Variants in HDAC2 observed in about 807,000 individuals in gnomAD.
HDAC2 encodes YY1-associated factor 1.
In HDAC2, 5 loss-of-function variants were observed where a neutral mutation model predicts 68.5. That is an observed-to-expected ratio of 0.07 (90% CI 0.04 to 0.15). HDAC2 has a LOEUF of 0.15. Ranked by LOEUF, HDAC2 falls within the 10% of genes least tolerant of loss-of-function variation. The pLI, the probability that HDAC2 is intolerant of heterozygous loss-of-function variation, is 1.00. For synonymous variants in HDAC2, 182 were observed against 191.3 expected (o/e 0.95, Z 0.40); for missense variants, 291 against 600.8 (o/e 0.48, Z 5.39).
At chr6:113,969,750 A>G (rs1483860265) in intron 1 of HDAC2, 1 of 152,212 alleles carries the variant, frequency 6.6e-6, no homozygotes, top group Non-Finnish European at 1.5e-5. Context: ...AAGATAATTA[A>G]ATTATCTGAC....
chr6:113,955,082 T>C lies in HDAC2; in HGVS notation c.497+931A>G, dbSNP rs187849333. ...AAATTTTTGTCTTCAGTTTAAAACATCCAAAATACTAGAATATAAACTTCC... is the reference window on the plus strand; with the variant it reads ...AAATTTTTGTCTTCAGTTTAAAACACCCAAAATACTAGAATATAAACTTCC... On this transcript the variant is annotated intron_variant, in intron 5 of 13. Transcript: ENST00000519065. 2.4e-3 allele frequency among the ~76,000 whole-genome samples: 364 copies of C among 152,324 alleles called. 4 individuals are homozygous for C. The highest frequency in any genetic ancestry group is 5.0e-4 in the Non-Finnish European group (34 of 68,018).
intron 1 of HDAC2, chr6:113,968,685 C>G (rs544345961): frequency 1.3e-5 from 2 of 152,324 alleles, no homozygotes; most frequent in African/African-American, 4.8e-5. Flanking sequence ...ATCACGTAAG[C>G]AGGTGAATGG....
rs367602715 is a variant in HDAC2 at position 113,971,086 on chromosome 6, C to G, written c.-178G>C. 4 of 1,550,984 alleles carry G rather than the reference C, an allele frequency of 2.6e-6. No homozygotes were observed. Among genetic ancestry groups the G allele is most frequent in the African/African-American group, 1.4e-5 (1 of 73,300 alleles). Reference sequence around the variant, plus strand: ...GGGGCGCCGGGAAGGCTCGGTACCACCCGGCAGAGGTGCCGAAAGCTCGGA... The same window carrying G: ...GGGGCGCCGGGAAGGCTCGGTACCAGCCGGCAGAGGTGCCGAAAGCTCGGA... On this transcript the variant is annotated 5_prime_UTR_variant, in exon 1 of 14. Coordinates refer to ENST00000519065, the MANE Select transcript of HDAC2 (RefSeq NM_001527.4).
chr6:113,962,302 C>T (rs1776702935), intron 1 of HDAC2: 1 of 403,152 alleles, frequency 2.5e-6, no homozygotes, highest in Admixed American at 6.4e-5. Flanking sequence ...GATTCAAACT[C>T]TGGCAGGGCA....
chr6:113,971,148 G>A lies in HDAC2; in HGVS notation c.-240C>T, dbSNP rs773499398. ...CAGCGGCACCAACTCGCGAGGAGGG[G>A]GCCACCAAACCACCTCAGGAGGCCG... On this transcript the variant is annotated 5_prime_UTR_variant, in exon 1 of 14. Transcript: ENST00000519065. 2 of 1,535,228 alleles carry A rather than the reference G, an allele frequency of 1.3e-6. No individual in the cohort carries two copies. Among genetic ancestry groups the A allele is most frequent in the Non-Finnish European group, 1.8e-6 (2 of 1,139,232 alleles).
chr6:113,955,809 C>A, intron 5 of HDAC2: 5 of 471,014 alleles, frequency 1.1e-5, no homozygotes. Context: ...TAGTGCCTGG[C>A]CACACTTCTA....
At position 113,933,678 on chromosome 6, in the gene HDAC2, C is replaced by T. The variant is rs965122674; in HGVS notation, c.*7380G>A. 6.6e-6 allele frequency: 1 copy of T among 152,030 alleles called. No individual in the cohort carries two copies. The highest frequency in any genetic ancestry group is 6.5e-5 in the Admixed American group (1 of 15,276). The allele number at this position is 152,030 out of a possible 1,614,324, so 9.4% of individuals were successfully genotyped here. On this transcript the variant is annotated 3_prime_UTR_variant, in exon 14 of 14. Transcript: ENST00000519065. ...CCAGTGGAGTGTAAGACAAACAAAA[C>T]CCTTGCCCTTATGAAACTCTTAATC...
At chr6:113,968,564 A>C (rs1004827476) in intron 1 of HDAC2, 1 of 152,252 alleles carries the variant, frequency 6.6e-6, no homozygotes, top group Admixed American at 6.5e-5. Context: ...TTAAAAGAGT[A>C]TGTGAAACAT....
At chr6:113,959,168 C>A (rs1489719678) in intron 2 of HDAC2, among the ~76,000 whole-genome samples, 1 of 152,028 alleles carries the variant, frequency 6.6e-6, no homozygotes, top group African/African-American at 2.4e-5. Context: ...ACCTCTCGTC[C>A]TTTTTTCTAT....
intron 3 of HDAC2, among the ~76,000 whole-genome samples, chr6:113,957,652 T>A (rs1776587889): frequency 6.6e-6 from 1 of 151,912 alleles, no homozygotes; most frequent in South Asian, 2.1e-4. Flanking sequence ...ACCCAGCTAA[T>A]TTTCTGTACT....
At chr6:113,941,238 A>G (rs1317391662) in intron 13 of HDAC2, 150 bp from the exon 14 acceptor site, 2 of 489,148 alleles carry the variant, frequency 4.1e-6, no homozygotes, top group East Asian at 3.3e-5. Flanking sequence ...TTAATGCCTT[A>G]ATTTTTCTAG....
Position 113,949,196 on chromosome 6 carries a change from T to C in HDAC2, c.704A>G (p.Asp235Gly). 6.2e-7 allele frequency: 1 copy of C among 1,609,884 alleles called. No homozygotes were observed. The highest frequency in any genetic ancestry group is 8.5e-7 in the Non-Finnish European group (1 of 1,176,160). ...VNFPMRDGID[D>G]ESYGQIFKPI... ...CTTAAATATCTGCCCATATGACTCA[T>C]CATCTATACCATCTCTCATTGGAAA... Residue 235 changes from aspartate to glycine, a missense_variant, in exon 7 of 14, where the codon GAT (aspartate) becomes GGT (glycine). Asp to Gly is a moderately conservative substitution (Grantham distance 94, BLOSUM62 -1). This residue lies in a region of HDAC2 where 154 missense variants were observed against 472.1 expected (regional missense o/e 0.33). Coordinates refer to ENST00000519065, the MANE Select transcript of HDAC2 (RefSeq NM_001527.4).
chr6:113,970,634 A>G (rs1776972287), intron 1 of HDAC2: 2 of 1,344,042 alleles, frequency 1.5e-6, no homozygotes, highest in Non-Finnish European at 1.9e-6. Flanking sequence ...GGCAGGAGAC[A>G]AGACGGGCGG....
intron 3 of HDAC2, chr6:113,956,948 C>A: frequency 2.8e-6 from 1 of 354,498 alleles, no homozygotes; most frequent in Non-Finnish European, 5.1e-6. Context: ...AACAAGAACT[C>A]AATAGTTGTC....
At chr6:113,948,691 T>A in intron 8 of HDAC2, 1 of 308,158 alleles carries the variant, frequency 3.2e-6, no homozygotes, top group Non-Finnish European at 5.9e-6. Flanking sequence ...AGTAAAAAAG[T>A]ATGCATGTTT....
chr6:113,948,197 T>C (rs1296691823), intron 8 of HDAC2: 2 of 152,170 alleles, frequency 1.3e-5, no homozygotes, highest in Non-Finnish European at 2.9e-5. Flanking sequence ...CCCCACACAC[T>C]TTTTATCAGG....
chr6:113,938,743 A>G lies in HDAC2; in HGVS notation c.*2315T>C, dbSNP rs1033063456. 1 of 152,174 alleles carries G rather than the reference A, an allele frequency of 6.6e-6. No homozygotes were observed. The highest frequency in any genetic ancestry group is 1.5e-5 in the Non-Finnish European group (1 of 68,024). 9.4% of individuals were successfully genotyped at this position (152,174 alleles called of 1,614,324 possible). On this transcript the variant is annotated 3_prime_UTR_variant, in exon 14 of 14. Coordinates refer to ENST00000519065, the MANE Select transcript of HDAC2 (RefSeq NM_001527.4). Reference sequence around the variant, plus strand: ...GACACAAGAACCATAGCTTCTTTACATATTATTTCTAAAAATTTTGTTATT... The same window carrying G: ...GACACAAGAACCATAGCTTCTTTACGTATTATTTCTAAAAATTTTGTTATT...
In HDAC2 at chr6:113,934,096, CTA is replaced by C. The variant is rs376987281; in HGVS notation, c.*6960_*6961del. 108 of 152,116 alleles carry C rather than the reference CTA, an allele frequency of 7.1e-4. No individual in the cohort carries two copies. Among genetic ancestry groups the C allele is most frequent in the African/African-American group, 2.5e-3 (104 of 41,484 alleles). The allele number at this position is 152,116 out of a possible 1,614,324, so 9.4% of individuals were successfully genotyped here. The stretch of plus-strand genomic sequence containing the variant: ...GTTGACTTTAGAATGTCTAATAAGC[CTA>C]TCCTATTCAACAACCAAGAAATAGA... On this transcript the variant is annotated 3_prime_UTR_variant, in exon 14 of 14. Coordinates refer to ENST00000519065, the MANE Select transcript of HDAC2 (RefSeq NM_001527.4).
chr6:113,959,069 TTCTC>T (rs1219986640), intron 2 of HDAC2, among the ~76,000 whole-genome samples: 1 of 152,072 alleles, frequency 6.6e-6, no homozygotes, highest in Non-Finnish European at 1.5e-5. Flanking sequence ...AAACTCTACT[TTCTC>T]TCCTTTTCCA....
Sources: allele counts gnomAD v4.1 joint callset (sites outside exome capture counted in the v4.1 genomes callset), GRCh38; gene constraint gnomAD v4.1.1; regional missense constraint gnomAD v4.1.1; transcripts MANE v1.5; gene names NCBI Gene and HGNC (gene_info 2026-07-23, HGNC 2026-07-21).